The following PSMG2 variants were observed in gnomAD, a reference collection of about 807,000 sequenced individuals.
PSMG2 encodes proteasome assembly chaperone 2, also known as CD40 ligand-activated specific transcript 3.
A neutral mutation model predicts 31.5 loss-of-function variants in PSMG2; 21 were observed. The observed-to-expected ratio is 0.67, with a 90% CI of 0.47 to 0.96. PSMG2 has a LOEUF of 0.96. PSMG2 is among the 40% of genes least tolerant of loss of function. The probability of loss-of-function intolerance (pLI) is 0.00; values close to 1 mark genes in which losing one functional copy is unlikely to be tolerated. For synonymous variants in PSMG2, 120 were observed against 110.4 expected (o/e 1.09, Z -0.54); for missense variants, 318 against 321.2 (o/e 0.99, Z 0.08).
At chr18:12,713,900 C>T (rs778820917) in intron 3 of PSMG2, among the ~76,000 whole-genome samples, 17 of 152,128 alleles carry the variant, frequency 1.1e-4, no homozygotes, top group Admixed American at 4.6e-4. Flanking sequence ...TACAGGGACA[C>T]GCCACCACAC....
intron 1 of PSMG2, among the ~76,000 whole-genome samples, chr18:12,665,572 G>C (rs1178861794): frequency 6.6e-6 from 1 of 152,122 alleles, no homozygotes; most frequent in Non-Finnish European, 1.5e-5. Flanking sequence ...TCTCGACCTA[G>C]CAATCTAATC....
chr18:12,705,149 C>G (rs1380868229), intron 1 of PSMG2, among the ~76,000 whole-genome samples: 2 of 151,938 alleles, frequency 1.3e-5, no homozygotes, highest in Non-Finnish European at 2.9e-5. Flanking sequence ...ACTGCAACCT[C>G]TGCCTCCTGG....
upstream of PSMG2, chr18:12,701,002 G>A (rs1401783764): frequency 1.2e-6 from 2 of 1,613,548 alleles, no homozygotes; most frequent in Non-Finnish European, 1.7e-6. Flanking sequence ...ATGATTCCTC[G>A]ACGTCTAAGG....
In PSMG2 at chr18:12,689,379, G is replaced by C. The variant is rs565899841; in HGVS notation, c.-36-17171G>C. On this transcript the variant is annotated intron_variant, in intron 1 of 6. Coordinates refer to the PSMG2 transcript ENST00000585331. ...GGCATAAACCAAAAAGGCACCAGTT[G>C]AAACTCCAATTTGACACAGACTTTG... Among the ~76,000 whole-genome samples, 5 of 152,226 alleles carry C rather than the reference G, an allele frequency of 3.3e-5. No individual in the cohort carries two copies. In the South Asian group the frequency reaches 1.0e-3, roughly 32 times the overall value.
intron 1 of PSMG2, among the ~76,000 whole-genome samples, chr18:12,693,561 G>C (rs748995745): frequency 6.6e-6 from 1 of 152,286 alleles, no homozygotes; most frequent in African/African-American, 2.4e-5. Flanking sequence ...GAGGCAGGCA[G>C]ATCACGAGGT....
rs71174122 is a variant in PSMG2 at position 12,669,032 on chromosome 18, C to CTTTTTTTTTTTTTTTTTT, written c.-37+10268_-37+10285dup. Among the ~76,000 whole-genome samples the CTTTTTTTTTTTTTTTTTT allele has an allele frequency of 1.4e-4, 6 of 41,958 alleles. 2 individuals are homozygous for CTTTTTTTTTTTTTTTTTT. Among genetic ancestry groups the CTTTTTTTTTTTTTTTTTT allele is most frequent in the Non-Finnish European group, 5.3e-5 (1 of 18,900 alleles). The allele number at this position is 41,958 out of a possible 152,430, so 27.5% of individuals were successfully genotyped here. On this transcript the variant is annotated intron_variant, in intron 1 of 6. Transcript: ENST00000585331. ...GGCTTGAGCTACCGCACCCCCCGCA[C>CTTTTTTTTTTTTTTTTTT]TTTTTTTTTTTTTTTTTTTTTTTTT...
chr18:12,695,295 G>A (rs1279098366), intron 1 of PSMG2: 4 of 1,569,964 alleles, frequency 2.5e-6, no homozygotes, highest in African/African-American at 1.4e-5. Flanking sequence ...TGATTGAGTG[G>A]TGGATACATT....
At chr18:12,694,835 C>T (rs980337034) in intron 1 of PSMG2, among the ~76,000 whole-genome samples, 10 of 151,826 alleles carry the variant, frequency 6.6e-5, no homozygotes, top group African/African-American at 2.2e-4. Context: ...CTCAGCCTCC[C>T]GGGTAGCTGG....
intron 1 of PSMG2, among the ~76,000 whole-genome samples, chr18:12,696,897 ATG>A (rs2039976475): frequency 6.6e-6 from 1 of 152,182 alleles, no homozygotes; most frequent in Non-Finnish European, 1.5e-5. Context: ...ATAAGTTTGT[ATG>A]TGTGTCAAGA....
chr18:12,675,008 G>C (rs373905095), intron 1 of PSMG2, among the ~76,000 whole-genome samples: 10 of 152,126 alleles, frequency 6.6e-5, no homozygotes, highest in East Asian at 3.8e-4. Context: ...TCCAAATCCT[G>C]TACTTCTCTA....
At chr18:12,699,874 G>A, upstream of PSMG2, 1 of 1,594,938 alleles carries the variant, frequency 6.3e-7, no homozygotes, top group South Asian at 1.1e-5. Flanking sequence ...AGGTTGTTTT[G>A]GAGAGGAAGG....
At chr18:12,708,727 CAG>C (rs2040295641) in intron 2 of PSMG2, among the ~76,000 whole-genome samples, 1 of 64,960 alleles carries the variant, frequency 1.5e-5, no homozygotes, top group Admixed American at 1.8e-4. Flanking sequence ...TTTTTTGAGA[CAG>C]AGTTTTGTTC....
At chr18:12,712,837 A>G in intron 3 of PSMG2, 77 bp downstream of exon 3, 5 of 1,129,356 alleles carry the variant, frequency 4.4e-6, no homozygotes, top group Non-Finnish European at 6.6e-6. Context: ...TTAAGATTCA[A>G]AAATTACTAC....
chr18:12,662,700 C>A (rs557809831), intron 1 of PSMG2, among the ~76,000 whole-genome samples: 2 of 152,234 alleles, frequency 1.3e-5, no homozygotes, highest in South Asian at 4.1e-4. Context: ...TCGCTTGAGC[C>A]CAGGAGGCAG....
chr18:12,658,794 G>A (rs943344883), intron 1 of PSMG2: 8 of 313,338 alleles, frequency 2.6e-5, no homozygotes, highest in Non-Finnish European at 5.2e-5. Context: ...TAAAGACGGG[G>A]ATCTTTACGG....
chr18:12,671,133 G>GGC (rs1781792497), intron 1 of PSMG2: 1 of 150,042 alleles, frequency 6.7e-6, no homozygotes, highest in Non-Finnish European at 1.5e-5. Flanking sequence ...AGAGAAATAG[G>GGC]GGGGGGTCTC....
chr18:12,681,251 A>G (rs2039339169), intron 1 of PSMG2, among the ~76,000 whole-genome samples: 1 of 143,138 alleles, frequency 7.0e-6, no homozygotes, highest in Admixed American at 7.2e-5. Flanking sequence ...AAAGAAAAGT[A>G]GAACATTTTT....
At position 12,668,597 on chromosome 18, in the gene PSMG2, CAAAAAAAAAAAA is replaced by C. The variant is rs752216074; in HGVS notation, c.-37+9845_-37+9856del. Among the ~76,000 whole-genome samples the C allele has an allele frequency of 2.3e-3, 170 of 72,818 alleles. 1 individual carries two copies. The highest frequency in any genetic ancestry group is 9.9e-3 in the South Asian group (13 of 1,314). The allele number at this position is 72,818 out of a possible 152,430, so 47.8% of individuals were successfully genotyped here. On this transcript the variant is annotated intron_variant, in intron 1 of 6. Transcript: ENST00000585331. ...TGGGAGACAGAGTAAGATTCCATCT[CAAAAAAAAAAAA>C]AAAAAAAAAAAAAAAAAAAATAGTG...
At chr18:12,703,226 GA>G in intron 1 of PSMG2, 62 bp downstream of exon 1, 1 of 1,516,864 alleles carries the variant, frequency 6.6e-7, no homozygotes, top group Non-Finnish European at 8.9e-7. Flanking sequence ...TCGCCACCCC[GA>G]CGCGGGGTGT....
Sources: gnomAD v4.1 joint callset for allele counts (sites outside exome capture counted in the v4.1 genomes callset) on GRCh38, gnomAD v4.1.1 for gene constraint, MANE v1.5 for transcripts, NCBI Gene and HGNC (gene_info 2026-07-23, HGNC 2026-07-21) for gene names.